KLF12: variants seen among roughly 807,000 people sequenced by gnomAD.
The protein encoded by KLF12 is KLF transcription factor 12.
In KLF12, 9 loss-of-function variants were observed where a neutral mutation model predicts 37.8. That is an observed-to-expected ratio of 0.24 (90% CI 0.14 to 0.42). KLF12 has a LOEUF of 0.42. Ranked by LOEUF, KLF12 falls within the 10% of genes least tolerant of loss-of-function variation. The probability of loss-of-function intolerance (pLI) is 1.00; values close to 1 mark genes in which losing one functional copy is unlikely to be tolerated. For missense variants in KLF12, 411 were observed against 516.0 expected (o/e 0.80, Z 1.97); for synonymous variants, 208 against 202.1 (o/e 1.03, Z -0.25).
At chr13:74,043,749 A>ATACTATTATGT (rs1893470696) in intron 1 of KLF12, among the ~76,000 whole-genome samples, 1 of 152,240 alleles carries the variant, frequency 6.6e-6, no homozygotes, top group African/African-American at 2.4e-5. Context: ...GTGTTCAATC[A>ATACTATTATGT]AGACTAAAAT....
intron 3 of KLF12, among the ~76,000 whole-genome samples, chr13:73,893,900 C>G (rs888373147): frequency 1.3e-5 from 2 of 152,082 alleles, no homozygotes; most frequent in Non-Finnish European, 2.9e-5. Flanking sequence ...ATCCAAAAAG[C>G]CACTTTCATC....
rs1873823892 is a variant in KLF12 at position 73,691,563 on chromosome 13, C to T, written c.*3927G>A. ...ATGGATGCTGGTATTCTTAACACTG[C>T]TTAATTTCTGTCAATCCTCACTATA... On this transcript the variant is annotated 3_prime_UTR_variant, in exon 8 of 8. Transcript: ENST00000377669. The T allele has an allele frequency of 6.6e-6, 1 of 152,568 alleles. No individual in the cohort carries two copies. The allele number at this position is 152,568 out of a possible 1,614,324, so 9.5% of individuals were successfully genotyped here.
chr13:73,839,464 A>G (rs532971051), intron 4 of KLF12, among the ~76,000 whole-genome samples: 32 of 152,202 alleles, frequency 2.1e-4, no homozygotes, highest in Admixed American at 7.9e-4. Flanking sequence ...TTTAAATGTA[A>G]AAAAATGCCT....
At chr13:74,019,360 G>A (rs1892781960) in intron 1 of KLF12, among the ~76,000 whole-genome samples, 2 of 152,168 alleles carry the variant, frequency 1.3e-5, no homozygotes, top group Admixed American at 1.3e-4. Flanking sequence ...ACTGAAAAGA[G>A]TTTAAGTAAT....
chr13:73,719,799 G>A (rs1038162594), intron 6 of KLF12, among the ~76,000 whole-genome samples: 1 of 151,980 alleles, frequency 6.6e-6, no homozygotes. Context: ...ACGGGGTTTT[G>A]TTATGTTGCC....
chr13:73,840,665 T>A (rs560944369), intron 4 of KLF12, among the ~76,000 whole-genome samples: 1 of 152,292 alleles, frequency 6.6e-6, no homozygotes, highest in African/African-American at 2.4e-5. Context: ...CCATATTCTT[T>A]ACAGCATGCA....
intron 2 of KLF12, among the ~76,000 whole-genome samples, chr13:73,971,602 T>C (rs560222933): frequency 6.6e-6 from 1 of 152,334 alleles, no homozygotes; most frequent in Non-Finnish European, 1.5e-5. Flanking sequence ...ATGGTGGGTA[T>C]TTCTCCTGAG....
chr13:73,889,414 G>C (rs1887392727), intron 3 of KLF12, among the ~76,000 whole-genome samples: 1 of 152,166 alleles, frequency 6.6e-6, no homozygotes, highest in South Asian at 2.1e-4. Context: ...GGCACTTGCA[G>C]TAGTGTGTAA....
intron 3 of KLF12, among the ~76,000 whole-genome samples, chr13:73,875,598 T>C (rs1450361612): frequency 6.6e-6 from 1 of 152,144 alleles, no homozygotes; most frequent in East Asian, 1.9e-4. Flanking sequence ...AATCTATATA[T>C]GTTTATTCCA....
At chr13:74,031,716 GATTAA>G (rs750149442) in intron 1 of KLF12, among the ~76,000 whole-genome samples, 34 of 151,968 alleles carry the variant, frequency 2.2e-4, no homozygotes, top group Non-Finnish European at 3.8e-4. Flanking sequence ...ATGTTGCATA[GATTAA>G]AAGATAAAGT....
intron 3 of KLF12, among the ~76,000 whole-genome samples, chr13:73,853,130 G>A (rs893017765): frequency 1.3e-5 from 2 of 152,100 alleles, no homozygotes; most frequent in African/African-American, 4.8e-5. Context: ...GCCTCCCAAA[G>A]TGCTGGGATT....
rs142951121 is a variant in KLF12, at chr13:74,127,683, G to A, written c.-32+6056C>T. On this transcript the variant is annotated intron_variant, in intron 1 of 7. Transcript: ENST00000377669. ...TTTTAACTGGAGAAAATGCAGTTGC[G>A]GAGAAATCATGCGTGATTATAAATA... 1.7e-3 allele frequency among the ~76,000 whole-genome samples: 263 copies of A among 152,282 alleles called. 1 individual carries two copies. The highest frequency in any genetic ancestry group is 5.8e-3 in the African/African-American group (241 of 41,536).
At chr13:73,887,694 TA>T (rs760103014) in intron 3 of KLF12, among the ~76,000 whole-genome samples, 40 of 148,850 alleles carry the variant, frequency 2.7e-4, no homozygotes, top group Non-Finnish European at 3.9e-4. Context: ...TCTTCATTTT[TA>T]AAAAGGTTCA....
chr13:74,145,707 T>C, the KLF12 span, among the ~76,000 whole-genome samples: 8 of 152,294 alleles, frequency 5.3e-5, no homozygotes, highest in South Asian at 1.7e-3. Context: ...CAAATAAATA[T>C]TTTGCCTTTT....
At chr13:74,022,866 A>T (rs541472927) in intron 1 of KLF12, among the ~76,000 whole-genome samples, 1 of 148,712 alleles carries the variant, frequency 6.7e-6, no homozygotes, top group Admixed American at 6.7e-5. Flanking sequence ...TCATCCATCC[A>T]TCCACTGTGG....
At chr13:74,205,823 G>A in the KLF12 span, among the ~76,000 whole-genome samples, 3 of 152,070 alleles carry the variant, frequency 2.0e-5, no homozygotes, top group Admixed American at 2.0e-4. Flanking sequence ...AGGGTGGGCT[G>A]CAAAAAGATA....
chr13:74,156,520 A>G, the KLF12 span, among the ~76,000 whole-genome samples: 1 of 152,166 alleles, frequency 6.6e-6, no homozygotes, highest in African/African-American at 2.4e-5. Flanking sequence ...TACACACATT[A>G]TTGACTACAG....
At chr13:73,995,711 T>C (rs1892094902) in intron 1 of KLF12, among the ~76,000 whole-genome samples, 2 of 152,224 alleles carry the variant, frequency 1.3e-5, no homozygotes, top group Non-Finnish European at 1.5e-5. Flanking sequence ...CCAGGACCAT[T>C]AGGATATCAC....
At chr13:73,948,378 C>A (rs948066183) in intron 2 of KLF12, among the ~76,000 whole-genome samples, 3 of 152,262 alleles carry the variant, frequency 2.0e-5, no homozygotes, top group South Asian at 2.1e-4. Context: ...TGCGCCACCA[C>A]GCCTAATTTT....
Sources: allele counts gnomAD v4.1 joint callset (sites outside exome capture counted in the v4.1 genomes callset), GRCh38; gene constraint gnomAD v4.1.1; transcripts MANE v1.5; gene names NCBI Gene and HGNC (gene_info 2026-07-23, HGNC 2026-07-21).